The following TSPAN9 variants were observed in gnomAD, a reference collection of about 807,000 sequenced individuals.
The protein encoded by TSPAN9 is tetraspanin-9.
TSPAN9 carries 16 observed loss-of-function variants against 31.0 expected under a neutral mutation model. That is an observed-to-expected ratio of 0.52 (90% CI 0.35 to 0.78). The LOEUF (loss-of-function observed/expected upper bound fraction) is 0.78, where lower values mean the gene tolerates loss of function less well. Among genes scored for constraint, TSPAN9 ranks in the 30% least tolerant of loss-of-function variants. The pLI, the probability that TSPAN9 is intolerant of heterozygous loss-of-function variation, is 0.01. For missense variants in TSPAN9, 272 were observed against 312.5 expected, an observed-to-expected ratio of 0.87 and a Z score of 0.98; for synonymous variants, 145 against 121.6, an observed-to-expected ratio of 1.19 and a Z score of -1.27.
At chr12:3,118,780 T>C (rs1483662367) in intron 2 of TSPAN9, among the ~76,000 whole-genome samples, 1 of 152,146 alleles carries the variant, frequency 6.6e-6, no homozygotes, top group Non-Finnish European at 1.5e-5. Context: ...CAGCCTAATT[T>C]CTCTGCCTAG....
rs778325755 is a variant in TSPAN9 at position 3,096,699 on chromosome 12, C to CT, written c.-18+12991dup. 1.1e-3 allele frequency among the ~76,000 whole-genome samples: 163 copies of CT among 147,982 alleles called. 1 individual carries two copies. The highest frequency in any genetic ancestry group is 3.5e-3 in the Middle Eastern group (1 of 286). On this transcript the variant is annotated intron_variant, in intron 2 of 8. Coordinates refer to ENST00000011898, the MANE Select transcript of TSPAN9 (RefSeq NM_006675.5). ...AGGCAGTGAGGATCTTTCTTTCTTTCTTTTTTTTTTTATTTTGAGACGGAA... is the reference window on the plus strand; with the variant it reads ...AGGCAGTGAGGATCTTTCTTTCTTTCTTTTTTTTTTTTATTTTGAGACGGAA...
chr12:3,130,000 A>G (rs1205315945), intron 2 of TSPAN9, among the ~76,000 whole-genome samples: 2 of 152,134 alleles, frequency 1.3e-5, no homozygotes, highest in East Asian at 3.9e-4. Context: ...CCCTCCCTGC[A>G]TCCTCTTTCT....
chr12:3,212,036 A>G (rs2098379007), intron 3 of TSPAN9: 1 of 613,532 alleles, frequency 1.6e-6, no homozygotes, highest in Non-Finnish European at 2.8e-6. Flanking sequence ...CAGTGGCATG[A>G]TCTCAGCTCA....
intron 3 of TSPAN9, among the ~76,000 whole-genome samples, chr12:3,241,195 G>C (rs1026425526): frequency 2.0e-5 from 3 of 152,166 alleles, no homozygotes; most frequent in Non-Finnish European, 2.9e-5. Context: ...CATTAAGGAA[G>C]AATTTATAAT....
At chr12:3,210,080 A>C (rs1376994959) in intron 3 of TSPAN9, among the ~76,000 whole-genome samples, 1 of 148,282 alleles carries the variant, frequency 6.7e-6, no homozygotes, top group African/African-American at 2.5e-5. Context: ...AGCTTGCAGT[A>C]GCCGAGATCG....
intron 3 of TSPAN9, among the ~76,000 whole-genome samples, chr12:3,247,321 C>T (rs1410824199): frequency 7.6e-6 from 1 of 131,160 alleles, no homozygotes; most frequent in Non-Finnish European, 1.6e-5. Flanking sequence ...CCGCCACCCG[C>T]GTCCCCAAGT....
rs373813026 is a variant in TSPAN9 at position 3,285,203 on chromosome 12, A to C, written c.*2087A>C. The C allele has an allele frequency of 7.4e-6, 1 of 134,406 alleles. No individual in the cohort carries two copies. Among genetic ancestry groups the C allele is most frequent in the African/African-American group, 2.8e-5 (1 of 35,676 alleles). The allele number at this position is 134,406 out of a possible 1,614,324, so 8.3% of individuals were successfully genotyped here. A position where few individuals can be genotyped will look rare whatever the true frequency, so the allele number is the denominator to read the frequency against. On this transcript the variant is annotated 3_prime_UTR_variant, in exon 9 of 9. Coordinates refer to ENST00000011898, the MANE Select transcript of TSPAN9 (RefSeq NM_006675.5). ...CCGGAGCAGACACATCCGGGCGGAGAGACTCAGCAGACAAGTGCTGCAGTT... is the reference window on the plus strand; with the variant it reads ...CCGGAGCAGACACATCCGGGCGGAGCGACTCAGCAGACAAGTGCTGCAGTT...
chr12:3,228,120 G>A (rs1240619681), intron 3 of TSPAN9, among the ~76,000 whole-genome samples: 2 of 152,184 alleles, frequency 1.3e-5, no homozygotes, highest in African/African-American at 2.4e-5. Context: ...AGGCCGAGAT[G>A]GGAGGACTGC....
chr12:3,207,799 AAGG>A (rs140811723), intron 3 of TSPAN9, among the ~76,000 whole-genome samples: 2,207 of 144,702 alleles, frequency 0.015, 69 homozygotes, highest in African/African-American at 0.051. Flanking sequence ...GTGACCGGCC[AAGG>A]AGGAGAGGGA....
intron 2 of TSPAN9, among the ~76,000 whole-genome samples, chr12:3,103,968 G>T (rs1026058848): frequency 2.0e-5 from 3 of 152,172 alleles, no homozygotes; most frequent in Non-Finnish European, 2.9e-5. Context: ...AGGGCGGGAC[G>T]GGAGGATGAG....
intron 2 of TSPAN9, among the ~76,000 whole-genome samples, chr12:3,161,240 T>A (rs995550908): frequency 3.9e-5 from 6 of 152,218 alleles, no homozygotes; most frequent in Non-Finnish European, 5.9e-5. Context: ...AAATAGTTTT[T>A]AATTTTACTG....
intron 2 of TSPAN9, among the ~76,000 whole-genome samples, chr12:3,115,276 A>C (rs995754755): frequency 5.3e-5 from 8 of 152,220 alleles, no homozygotes; most frequent in African/African-American, 1.9e-4. Context: ...TTTAGGGCTC[A>C]GTAATATTCC....
At chr12:3,198,865 G>C (rs1435200802) in intron 2 of TSPAN9, among the ~76,000 whole-genome samples, 3 of 145,992 alleles carry the variant, frequency 2.1e-5, no homozygotes, top group African/African-American at 5.2e-5. Context: ...ACCAGCACAG[G>C]CCACCACCAG....
At chr12:3,083,231 C>T (rs2098298776) in intron 1 of TSPAN9, among the ~76,000 whole-genome samples, 1 of 152,202 alleles carries the variant, frequency 6.6e-6, no homozygotes, top group Non-Finnish European at 1.5e-5. Context: ...GTACGCGATG[C>T]AAACACATCT....
At chr12:3,242,752 C>A (rs1000485822) in intron 3 of TSPAN9, among the ~76,000 whole-genome samples, 2 of 152,224 alleles carry the variant, frequency 1.3e-5, no homozygotes, top group African/African-American at 4.8e-5. Flanking sequence ...TATTGTGGAG[C>A]CTTGGACGCA....
At chr12:3,110,678 T>A (rs12099765) in intron 2 of TSPAN9, among the ~76,000 whole-genome samples, 7,529 of 152,250 alleles carry the variant, frequency 0.049, 588 homozygotes, top group African/African-American at 0.17. Flanking sequence ...AGTGAACACA[T>A]GAATGAATTG....
intron 2 of TSPAN9, among the ~76,000 whole-genome samples, chr12:3,199,000 C>G (rs545738506): frequency 1.3e-5 from 2 of 152,344 alleles, no homozygotes; most frequent in East Asian, 1.9e-4. Flanking sequence ...CTGTGTCTGC[C>G]CATTTGTGCT....
At chr12:3,230,784 T>C (rs2098390332) in intron 3 of TSPAN9, among the ~76,000 whole-genome samples, 1 of 152,076 alleles carries the variant, frequency 6.6e-6, no homozygotes, top group Admixed American at 6.5e-5. Flanking sequence ...ATGCAGCCCC[T>C]GCTCCGATCC....
intron 2 of TSPAN9, among the ~76,000 whole-genome samples, chr12:3,085,860 G>A (rs2098300194): frequency 6.6e-6 from 1 of 152,192 alleles, no homozygotes; most frequent in Admixed American, 6.5e-5. Context: ...AAAGAGTGAA[G>A]TTAATGAGTA....
Sources: allele counts gnomAD v4.1 joint callset (sites outside exome capture counted in the v4.1 genomes callset), GRCh38; gene constraint gnomAD v4.1.1; transcripts MANE v1.5; gene names NCBI Gene and HGNC (gene_info 2026-07-23, HGNC 2026-07-21).